SPOCK3: variants seen among roughly 807,000 people sequenced by gnomAD.
SPOCK3 encodes testican-3.
Under a neutral mutation model 56.6 loss-of-function variants are expected in SPOCK3, and 30 were observed. That is an observed-to-expected ratio of 0.53 (90% CI 0.40 to 0.72). The LOEUF (loss-of-function observed/expected upper bound fraction) is 0.72, where lower values mean the gene tolerates loss of function less well. SPOCK3 is among the 30% of genes least tolerant of loss of function. The probability of loss-of-function intolerance (pLI) is 0.00; values close to 1 mark genes in which losing one functional copy is unlikely to be tolerated. For missense variants in SPOCK3, 527 were observed against 530.0 expected (o/e 0.99, Z 0.06); for synonymous variants, 196 against 183.3 (o/e 1.07, Z -0.56).
rs547712384 is a variant in SPOCK3 at position 167,111,872 on chromosome 4, C to T, written c.190-49335G>A. On this transcript the variant is annotated intron_variant, in intron 2 of 10. Transcript: ENST00000357545. ...TCTCAGGCTCAGGTGATTCTCTCAC[C>T]TCAGCCTCCCAAGTAGCTGGGACTA... Among the ~76,000 whole-genome samples the T allele has an allele frequency of 1.1e-4, 16 of 152,056 alleles. No individual in the cohort carries two copies. In the South Asian group the frequency reaches 3.3e-3, roughly 32 times the overall value.
rs190955332 is a variant in SPOCK3 at position 166,871,533 on chromosome 4, A to G, written c.589+17597T>C. On this transcript the variant is annotated intron_variant, in intron 6 of 10. Transcript: ENST00000357545. Reference sequence around the variant, plus strand: ...AGCAATACATAATCTGAATAACCGTATATCTATTGTAAAAATTGAACACTT... The same window carrying G: ...AGCAATACATAATCTGAATAACCGTGTATCTATTGTAAAAATTGAACACTT... Among the ~76,000 whole-genome samples the G allele has an allele frequency of 5.3e-5, 8 of 152,224 alleles. No homozygotes were observed. In the East Asian group the frequency reaches 1.4e-3, roughly 26 times the overall value.
At chr4:166,879,443 G>C (rs962211208) in intron 6 of SPOCK3, among the ~76,000 whole-genome samples, 3 of 152,022 alleles carry the variant, frequency 2.0e-5, no homozygotes, top group Admixed American at 6.5e-5. Flanking sequence ...GGCTGAGGTG[G>C]GAGGATCACT....
chr4:166,950,546 A>G (rs1222301850), intron 4 of SPOCK3, among the ~76,000 whole-genome samples: 15 of 152,004 alleles, frequency 9.9e-5, no homozygotes, highest in South Asian at 6.2e-4. Context: ...AGTTAACAAG[A>G]ATACCCAGGA....
intron 6 of SPOCK3, among the ~76,000 whole-genome samples, chr4:166,841,094 T>C (rs966930281): frequency 8.5e-5 from 13 of 152,220 alleles, no homozygotes; most frequent in Middle Eastern, 3.4e-3. Flanking sequence ...AGTTTTTTTT[T>C]ACTAATTTTA....
At chr4:166,985,860 A>T (rs2150102348) in intron 4 of SPOCK3, among the ~76,000 whole-genome samples, 1 of 152,258 alleles carries the variant, frequency 6.6e-6, no homozygotes, top group South Asian at 2.1e-4. Context: ...GGATATCAAC[A>T]TTTCCAATTT....
chr4:166,797,947 G>T (rs957887289), intron 6 of SPOCK3, among the ~76,000 whole-genome samples: 5 of 151,752 alleles, frequency 3.3e-5, no homozygotes, highest in Non-Finnish European at 1.5e-5. Flanking sequence ...ACAATGTTTC[G>T]GGCAACAAAG....
At chr4:166,852,330 T>A (rs139799860) in intron 6 of SPOCK3, among the ~76,000 whole-genome samples, 5 of 151,750 alleles carry the variant, frequency 3.3e-5, no homozygotes, top group Admixed American at 3.3e-4. Context: ...AAAAAGAAAT[T>A]TGAATTTCTT....
At chr4:166,889,876 C>CAT (rs1734593110) in intron 5 of SPOCK3, among the ~76,000 whole-genome samples, 1 of 152,020 alleles carries the variant, frequency 6.6e-6, no homozygotes, top group Non-Finnish European at 1.5e-5. Flanking sequence ...AGAGAACAAA[C>CAT]ATATATATTT....
chr4:166,902,791 T>A (rs1424953705), intron 5 of SPOCK3, among the ~76,000 whole-genome samples: 1 of 151,362 alleles, frequency 6.6e-6, no homozygotes, highest in African/African-American at 2.4e-5. Context: ...AATAATATTT[T>A]AATTAAATGC....
chr4:166,894,430 A>G (rs1735136732), intron 5 of SPOCK3, among the ~76,000 whole-genome samples: 1 of 152,138 alleles, frequency 6.6e-6, no homozygotes, highest in African/African-American at 2.4e-5. Context: ...ATGGACCCAC[A>G]GAGTCCTGAG....
intron 6 of SPOCK3, among the ~76,000 whole-genome samples, chr4:166,811,797 G>A (rs10032567): frequency 0.13 from 19,018 of 151,660 alleles, 1,390 homozygotes; most frequent in African/African-American, 0.19. Context: ...GCTATACTTT[G>A]TTATATCTCA....
chr4:167,021,454 G>C (rs1309184815), intron 3 of SPOCK3, among the ~76,000 whole-genome samples: 1 of 152,006 alleles, frequency 6.6e-6, no homozygotes, highest in Non-Finnish European at 1.5e-5. Flanking sequence ...AGTGATGTGT[G>C]ACTGGCTCTT....
intron 2 of SPOCK3, among the ~76,000 whole-genome samples, chr4:167,130,655 T>C (rs754870202): frequency 1.1e-4 from 16 of 152,202 alleles, no homozygotes; most frequent in Non-Finnish European, 2.2e-4. Context: ...TATCAAAAAA[T>C]GGCAGTTAAA....
At chr4:167,045,074 A>G (rs1236904435) in intron 3 of SPOCK3, among the ~76,000 whole-genome samples, 3 of 152,126 alleles carry the variant, frequency 2.0e-5, no homozygotes, top group Middle Eastern at 3.2e-3. Context: ...GTTTTGCCTC[A>G]CATATTTTGT....
At chr4:166,848,511 T>C (rs1748334950) in intron 6 of SPOCK3, among the ~76,000 whole-genome samples, 1 of 152,200 alleles carries the variant, frequency 6.6e-6, no homozygotes, top group African/African-American at 2.4e-5. Context: ...TAGGAAAGCA[T>C]TCCCTTTTGA....
chr4:166,989,121 G>T (rs1561090335), intron 4 of SPOCK3, among the ~76,000 whole-genome samples: 1 of 152,046 alleles, frequency 6.6e-6, no homozygotes, highest in East Asian at 1.9e-4. Context: ...TTTATATTTT[G>T]TCACTAAACC....
intron 3 of SPOCK3, among the ~76,000 whole-genome samples, chr4:167,019,595 G>GT (rs1373861553): frequency 1.3e-5 from 2 of 151,684 alleles, no homozygotes; most frequent in Non-Finnish European, 2.9e-5. Flanking sequence ...TTTGCATTTA[G>GT]TTTTTTATCC....
chr4:167,210,815 G>A (rs1734796319), intron 2 of SPOCK3, among the ~76,000 whole-genome samples: 1 of 152,040 alleles, frequency 6.6e-6, no homozygotes, highest in Admixed American at 6.6e-5. Context: ...AAGTGCAGAA[G>A]GCTCTCTCTC....
chr4:167,180,971 T>C (rs7690599), intron 2 of SPOCK3, among the ~76,000 whole-genome samples: 27,882 of 152,132 alleles, frequency 0.18, 2,785 homozygotes, highest in Admixed American at 0.26. Flanking sequence ...TTTACATTAA[T>C]TTGGACTATA....
Sources: gnomAD v4.1 joint callset for allele counts (sites outside exome capture counted in the v4.1 genomes callset) on GRCh38, gnomAD v4.1.1 for gene constraint, MANE v1.5 for transcripts, NCBI Gene and HGNC (gene_info 2026-07-23, HGNC 2026-07-21) for gene names.